Variants in COL11A1 observed in about 807,000 individuals in gnomAD.
The protein encoded by COL11A1 is collagen type XI alpha 1 chain, also known as collagen alpha-1(XI) chain.
Under a neutral mutation model 265.2 loss-of-function variants are expected in COL11A1, and 74 were observed. The ratio of observed to expected loss-of-function variants is 0.28; its 90% CI spans 0.23 to 0.34. COL11A1 has a LOEUF of 0.34. Among genes scored for constraint, COL11A1 ranks in the 10% least tolerant of loss-of-function variants. The pLI, the probability that COL11A1 is intolerant of heterozygous loss-of-function variation, is 1.00. For synonymous variants in COL11A1, 816 were observed against 727.6 expected, an observed-to-expected ratio of 1.12 and a Z score of -1.96; for missense variants, 2,165 against 2,263.6, an observed-to-expected ratio of 0.96 and a Z score of 0.88.
chr1:102,998,591 T>C, intron 24 of COL11A1, among the ~76,000 whole-genome samples: 1 of 151,992 alleles, frequency 6.6e-6, no homozygotes, highest in Non-Finnish European at 1.5e-5. Flanking sequence ...CTGCTTATAA[T>C]CTTAGATAGG....
At chr1:102,892,889 C>T (rs1282073033) in intron 57 of COL11A1, among the ~76,000 whole-genome samples, 4 of 151,810 alleles carry the variant, frequency 2.6e-5, no homozygotes, top group Non-Finnish European at 4.4e-5. Flanking sequence ...TAATAATCTT[C>T]TAATAAGGAG....
chr1:103,002,504 G>T (rs753015384), intron 22 of COL11A1, 23 bp from the exon 23 acceptor site: 19 of 1,580,380 alleles, frequency 1.2e-5, no homozygotes, highest in Non-Finnish European at 1.6e-5. Flanking sequence ...AATATAAAAA[G>T]TTTTTAATGG....
chr1:102,918,648 TAAA>T (rs71696647), intron 49 of COL11A1, among the ~76,000 whole-genome samples: 1 of 151,294 alleles, frequency 6.6e-6, no homozygotes, highest in African/African-American at 2.4e-5. Flanking sequence ...TGCTGTCACA[TAAA>T]AAAAAATCAA....
At chr1:102,901,821 T>G (rs1653246573) in intron 54 of COL11A1, among the ~76,000 whole-genome samples, 1 of 151,956 alleles carries the variant, frequency 6.6e-6, no homozygotes, top group Admixed American at 6.5e-5. Flanking sequence ...TTCTGTAATT[T>G]AATCATTTTT....
intron 4 of COL11A1, among the ~76,000 whole-genome samples, chr1:103,068,746 A>C (rs967786128): frequency 1.3e-5 from 2 of 151,514 alleles, no homozygotes; most frequent in Non-Finnish European, 3.0e-5. Context: ...TATAGGATAC[A>C]AGGTTAATAT....
At chr1:102,916,552 A>G (rs1344619548) in intron 49 of COL11A1, among the ~76,000 whole-genome samples, 1 of 152,064 alleles carries the variant, frequency 6.6e-6, no homozygotes, top group Admixed American at 6.5e-5. Context: ...TTACTTTTTA[A>G]CTCTAATATT....
chr1:103,029,799 A>G (rs1667832009), intron 5 of COL11A1, among the ~76,000 whole-genome samples: 1 of 152,008 alleles, frequency 6.6e-6, no homozygotes, highest in Non-Finnish European at 1.5e-5. Context: ...GATGGATACA[A>G]ATTACCTTGA....
At chr1:103,070,834 C>T (rs1278929242) in intron 4 of COL11A1, among the ~76,000 whole-genome samples, 2 of 151,892 alleles carry the variant, frequency 1.3e-5, no homozygotes, top group Middle Eastern at 3.4e-3. Context: ...ACCATGTCTA[C>T]TAAAATTCAA....
chr1:102,993,976 A>T (rs1570971277), intron 28 of COL11A1, among the ~76,000 whole-genome samples: 1 of 152,302 alleles, frequency 6.6e-6, no homozygotes, highest in South Asian at 2.1e-4. Flanking sequence ...ATGAACTGAG[A>T]TTACCGTTAA....
At chr1:102,992,887 C>T (rs1664275039) in intron 28 of COL11A1, among the ~76,000 whole-genome samples, 1 of 152,070 alleles carries the variant, frequency 6.6e-6, no homozygotes, top group African/African-American at 2.4e-5. Context: ...TTCCTCTATA[C>T]ATACTTGCAT....
chr1:102,900,438 A>G (rs1261765758), intron 54 of COL11A1, among the ~76,000 whole-genome samples: 1 of 152,164 alleles, frequency 6.6e-6, no homozygotes, highest in African/African-American at 2.4e-5. Flanking sequence ...AGATACAACA[A>G]TAATAATGAT....
chr1:102,888,604 A>G lies in COL11A1; in HGVS notation c.4581T>C (p.Ser1527=). The change falls in exon 62 of 67, where the codon AGT becomes AGC. Residue 1527 remains serine (S), a synonymous_variant. Transcript: ENST00000370096. ...GAGACCCAGGAGGCCCTGGAAGACC[A>G]CTGTCACCTTTCTGGCCAGCGGGTC... The part of the protein sequence containing the change: ...STGPAGQKGD[S]GLPGPPGSPG... 6 of 1,613,718 alleles carry G rather than the reference A, an allele frequency of 3.7e-6. No homozygotes were observed. Among genetic ancestry groups the G allele is most frequent in the Non-Finnish European group, 5.1e-6 (6 of 1,179,684 alleles).
At chr1:103,006,526 ATTTTTTTTTTTTTT>A (rs4013849) in intron 15 of COL11A1, among the ~76,000 whole-genome samples, 7 of 82,860 alleles carry the variant, frequency 8.4e-5, no homozygotes, top group Non-Finnish European at 1.5e-4. Context: ...AAATGGCTCC[ATTTTTTTTTTTTTT>A]TTTTTTTTTT....
intron 30 of COL11A1, among the ~76,000 whole-genome samples, chr1:102,985,836 T>C (rs1319485474): frequency 6.6e-6 from 1 of 152,138 alleles, no homozygotes; most frequent in Admixed American, 6.6e-5. Flanking sequence ...AGGGAAAGGG[T>C]TTAAACGCCC....
In COL11A1 at chr1:103,108,513, T is replaced by C. The variant is rs1674896518; in HGVS notation, c.-335A>G. ...GTACTGTGTGCCCCTAAAGGCTTCA[T>C]GCCGTCAGTGGGCTGGACGAGTGGC... On this transcript the variant is annotated 5_prime_UTR_variant, in exon 1 of 67. An upstream start codon of the reference 5' UTR is lost. Transcript: ENST00000370096. 1.8e-6 allele frequency: 1 copy of C among 561,326 alleles called. No individual in the cohort carries two copies. The highest frequency in any genetic ancestry group is 1.9e-5 in the African/African-American group (1 of 53,142). 34.8% of individuals were successfully genotyped at this position (561,326 alleles called of 1,614,324 possible).
intron 4 of COL11A1, among the ~76,000 whole-genome samples, chr1:103,037,533 A>G (rs1245246607): frequency 2.0e-5 from 3 of 152,120 alleles, no homozygotes; most frequent in African/African-American, 7.2e-5. Flanking sequence ...GTTCAATTCC[A>G]TCTGATTGAA....
At chr1:103,031,382 G>A in intron 4 of COL11A1, 138 bp from the exon 5 acceptor site, 1 of 1,076,552 alleles carries the variant, frequency 9.3e-7, no homozygotes. Flanking sequence ...TCAATGTTAA[G>A]AAGAGTCTTA....
At chr1:103,084,484 G>C (rs1672697581) in intron 1 of COL11A1, among the ~76,000 whole-genome samples, 1 of 151,012 alleles carries the variant, frequency 6.6e-6, no homozygotes, top group Non-Finnish European at 1.5e-5. Flanking sequence ...TCTTTCAACA[G>C]ATGAATGGAT....
intron 45 of COL11A1, among the ~76,000 whole-genome samples, 193 bp from the exon 46 acceptor site, chr1:102,934,749 C>A (rs1314264269): frequency 6.6e-6 from 1 of 152,152 alleles, no homozygotes; most frequent in Non-Finnish European, 1.5e-5. Flanking sequence ...GCTTCTGGAT[C>A]ATAACTGATT....
Sources: allele counts gnomAD v4.1 joint callset (sites outside exome capture counted in the v4.1 genomes callset), GRCh38; gene constraint gnomAD v4.1.1; transcripts MANE v1.5; gene names NCBI Gene and HGNC (gene_info 2026-07-23, HGNC 2026-07-21).